Variants in MTMR7 observed in about 807,000 individuals in gnomAD.
MTMR7 encodes myotubularin related protein 7.
A neutral mutation model predicts 81.2 loss-of-function variants in MTMR7; 76 were observed. The observed-to-expected ratio is 0.94, with a 90% CI of 0.78 to 1.13. The LOEUF (loss-of-function observed/expected upper bound fraction) is 1.13, where lower values mean the gene tolerates loss of function less well. MTMR7 is among the 50% of genes most tolerant of loss of function. MTMR7 has a pLI of 0.00. For synonymous variants in MTMR7, 372 were observed against 289.8 expected (o/e 1.28, Z -2.88); for missense variants, 1,044 against 820.0 (o/e 1.27, Z -3.34).
At chr8:17,307,082 T>C (rs1321337440) in intron 10 of MTMR7, among the ~76,000 whole-genome samples, 1 of 152,060 alleles carries the variant, frequency 6.6e-6, no homozygotes, top group Non-Finnish European at 1.5e-5. Flanking sequence ...CAGAAGAAAC[T>C]ACCATCAGAG....
At chr8:17,331,847 C>T (rs1159994956) in intron 6 of MTMR7, among the ~76,000 whole-genome samples, 1 of 152,174 alleles carries the variant, frequency 6.6e-6, no homozygotes, top group Non-Finnish European at 1.5e-5. Flanking sequence ...AACCAAGTCT[C>T]CAGAGACATT....
At chr8:17,369,813 T>A (rs1438783025) in intron 3 of MTMR7, among the ~76,000 whole-genome samples, 2 of 151,824 alleles carry the variant, frequency 1.3e-5, no homozygotes, top group Non-Finnish European at 2.9e-5. Flanking sequence ...GCCCAGCTAA[T>A]TTTTTGTATT....
chr8:17,401,210 A>C (rs2410514), intron 1 of MTMR7, among the ~76,000 whole-genome samples: 24,973 of 152,150 alleles, frequency 0.16, 2,437 homozygotes, highest in East Asian at 0.34. Flanking sequence ...TAGGATTGTT[A>C]TTTTATATGT....
intron 3 of MTMR7, among the ~76,000 whole-genome samples, chr8:17,368,273 G>A (rs1820297621): frequency 6.6e-6 from 1 of 152,278 alleles, no homozygotes; most frequent in African/African-American, 2.4e-5. Context: ...CTGCTGTGCT[G>A]TGCCGCCCGC....
At chr8:17,354,344 G>A (rs1261844363) in intron 4 of MTMR7, among the ~76,000 whole-genome samples, 2 of 152,124 alleles carry the variant, frequency 1.3e-5, no homozygotes, top group East Asian at 1.9e-4. Flanking sequence ...ACTGGTTTGG[G>A]TTGTATTTTA....
intron 12 of MTMR7, among the ~76,000 whole-genome samples, chr8:17,303,910 A>G (rs1817286761): frequency 6.6e-6 from 1 of 152,216 alleles, no homozygotes; most frequent in Non-Finnish European, 1.5e-5. Context: ...AAGTACTTCC[A>G]GTAGGACTTA....
At chr8:17,359,987 G>C (rs1820011467) in intron 4 of MTMR7, among the ~76,000 whole-genome samples, 1 of 152,128 alleles carries the variant, frequency 6.6e-6, no homozygotes, top group South Asian at 2.1e-4. Context: ...CAAAGGTATA[G>C]TTACCAGGAT....
intron 4 of MTMR7, among the ~76,000 whole-genome samples, chr8:17,354,443 G>C (rs943876609): frequency 3.9e-5 from 6 of 151,970 alleles, no homozygotes; most frequent in African/African-American, 1.5e-4. Flanking sequence ...TCAAGGGTTA[G>C]GTAAAAAAAG....
chr8:17,337,013 C>CATG (rs2150537772), intron 6 of MTMR7, among the ~76,000 whole-genome samples: 1 of 152,224 alleles, frequency 6.6e-6, no homozygotes, highest in East Asian at 1.9e-4. Context: ...AGCCCTTATC[C>CATG]ATGAAAAGAA....
At chr8:17,302,809 T>TTCAAGC (rs1817215908) in intron 12 of MTMR7, among the ~76,000 whole-genome samples, 1 of 142,852 alleles carries the variant, frequency 7.0e-6, no homozygotes, top group Admixed American at 7.5e-5. Flanking sequence ...ACCTCCCGGG[T>TTCAAGC]TCAAGCGATT....
intron 10 of MTMR7, among the ~76,000 whole-genome samples, chr8:17,308,672 A>T (rs1324455549): frequency 6.6e-6 from 1 of 152,214 alleles, no homozygotes; most frequent in African/African-American, 2.4e-5. Flanking sequence ...TACAGGCATC[A>T]ACACTGACAA....
chr8:17,353,555 C>G (rs1040882321), intron 4 of MTMR7, among the ~76,000 whole-genome samples: 8 of 152,162 alleles, frequency 5.3e-5, no homozygotes, highest in South Asian at 2.1e-4. Flanking sequence ...ATAATGCGCA[C>G]AATGATGCAA....
intron 7 of MTMR7, among the ~76,000 whole-genome samples, chr8:17,319,344 G>A (rs1818267152): frequency 6.6e-6 from 1 of 152,176 alleles, no homozygotes; most frequent in Non-Finnish European, 1.5e-5. Flanking sequence ...GAAAATGGTA[G>A]CTATGATACA....
At chr8:17,405,118 T>C (rs751730345) in intron 1 of MTMR7, among the ~76,000 whole-genome samples, 2 of 152,226 alleles carry the variant, frequency 1.3e-5, no homozygotes, top group African/African-American at 2.4e-5. Context: ...TCCCAAAGTG[T>C]TGGGATTACA....
chr8:17,317,920 C>T (rs553573777), intron 7 of MTMR7, among the ~76,000 whole-genome samples: 2 of 152,006 alleles, frequency 1.3e-5, no homozygotes, highest in South Asian at 4.2e-4. Context: ...CCTTTTTTTC[C>T]ACTTCATTCT....
At chr8:17,368,278 G>A (rs886898408) in intron 3 of MTMR7, among the ~76,000 whole-genome samples, 7 of 152,114 alleles carry the variant, frequency 4.6e-5, no homozygotes, top group South Asian at 4.2e-4. Context: ...GTGCTGTGCC[G>A]CCCGCTTCCT....
intron 13 of MTMR7, among the ~76,000 whole-genome samples, chr8:17,301,317 C>A (rs1394336878): frequency 6.6e-6 from 1 of 152,108 alleles, no homozygotes; most frequent in Non-Finnish European, 1.5e-5. Context: ...AGGAAAAGAA[C>A]AGAGTAAGTT....
At chr8:17,333,394 A>C (rs1819113710) in intron 6 of MTMR7, among the ~76,000 whole-genome samples, 1 of 152,232 alleles carries the variant, frequency 6.6e-6, no homozygotes, top group Non-Finnish European at 1.5e-5. Flanking sequence ...TATTTTTCAA[A>C]GATGTTGGTT....
chr8:17,339,289 C>T (rs999290230), intron 6 of MTMR7, among the ~76,000 whole-genome samples: 1 of 152,092 alleles, frequency 6.6e-6, no homozygotes, highest in African/African-American at 2.4e-5. Flanking sequence ...ACATGTCATA[C>T]TATTCACCCA....
Sources: gnomAD v4.1 joint callset for allele counts (sites outside exome capture counted in the v4.1 genomes callset) on GRCh38, gnomAD v4.1.1 for gene constraint, MANE v1.5 for transcripts, NCBI Gene and HGNC (gene_info 2026-07-23, HGNC 2026-07-21) for gene names.